The following EYS variants were observed in gnomAD, a reference collection of about 807,000 sequenced individuals.
EYS encodes the protein protein eyes shut homolog.
In EYS, 250 loss-of-function variants were observed where a neutral mutation model predicts 282.1. That is an observed-to-expected ratio of 0.89 (90% CI 0.80 to 0.98). EYS has a LOEUF of 0.98. Among genes scored for constraint, EYS ranks in the 50% least tolerant of loss-of-function variants. The pLI is 0.00. For missense variants in EYS, 4,016 were observed against 3,709.0 expected, an observed-to-expected ratio of 1.08 and a Z score of -2.15; for synonymous variants, 1,355 against 1,282.9, an observed-to-expected ratio of 1.06 and a Z score of -1.20.
At chr6:64,696,068 C>A (rs749350833) in intron 22 of EYS, among the ~76,000 whole-genome samples, 32 of 151,824 alleles carry the variant, frequency 2.1e-4, no homozygotes, top group Middle Eastern at 6.8e-3. Flanking sequence ...AAAAGATATT[C>A]AAAAAGATAC....
chr6:64,076,863 T>G (rs536791052), intron 32 of EYS, among the ~76,000 whole-genome samples: 1 of 152,136 alleles, frequency 6.6e-6, no homozygotes, highest in East Asian at 1.9e-4. Context: ...TCTTAATTTA[T>G]ACTTCTAATT....
Position 63,720,448 on chromosome 6 carries a change from T to A in EYS, c.*148A>T. The A allele has an allele frequency of 1.7e-6, 1 of 597,358 alleles. No homozygotes were observed. The allele number at this position is 597,358 out of a possible 1,614,324, so 37.0% of individuals were successfully genotyped here. ...ACAATCAGAACCTTCAGTGACATTTTACAATCTTATCAAAAAGATATGTTA... is the reference window on the plus strand; with the variant it reads ...ACAATCAGAACCTTCAGTGACATTTAACAATCTTATCAAAAAGATATGTTA... On this transcript the variant is annotated 3_prime_UTR_variant, in exon 43 of 43. Transcript: ENST00000503581.
intron 26 of EYS, among the ~76,000 whole-genome samples, chr6:64,527,419 A>C (rs1260305014): frequency 6.6e-6 from 1 of 151,826 alleles, no homozygotes; most frequent in Non-Finnish European, 1.5e-5. Context: ...TTTGCAAATA[A>C]AAATATATGG....
intron 11 of EYS, among the ~76,000 whole-genome samples, chr6:65,315,961 ATAG>A (rs1363985276): frequency 1.3e-5 from 2 of 151,842 alleles, no homozygotes; most frequent in Non-Finnish European, 2.9e-5. Flanking sequence ...TCCTTGGTAA[ATAG>A]TAGTAGTATC....
intron 10 of EYS, among the ~76,000 whole-genome samples, chr6:65,339,304 C>T (rs764991734): frequency 3.3e-5 from 5 of 150,976 alleles, no homozygotes; most frequent in Admixed American, 1.3e-4. Context: ...ATTTTAATTG[C>T]GAACTTGAAC....
chr6:63,736,567 C>A (rs1009155119), intron 41 of EYS, among the ~76,000 whole-genome samples: 1 of 152,022 alleles, frequency 6.6e-6, no homozygotes, highest in Admixed American at 6.6e-5. Flanking sequence ...CTTGGCGATG[C>A]GGGCTCTTTT....
intron 36 of EYS, among the ~76,000 whole-genome samples, chr6:63,831,621 G>A (rs1771640797): frequency 6.6e-6 from 1 of 152,170 alleles, no homozygotes; most frequent in Admixed American, 6.5e-5. Context: ...AATAATGGGA[G>A]ATTTTAACAC....
At chr6:65,214,158 CAAAAAAAAAA>C (rs58213904) in intron 12 of EYS, among the ~76,000 whole-genome samples, 1 of 29,242 alleles carries the variant, frequency 3.4e-5, no homozygotes, top group African/African-American at 1.5e-4. Flanking sequence ...GACTCCGTCT[CAAAAAAAAAA>C]AAAAAAAAAA....
chr6:64,453,731 A>G (rs1465398052), intron 26 of EYS, among the ~76,000 whole-genome samples: 1 of 152,184 alleles, frequency 6.6e-6, no homozygotes, highest in Admixed American at 6.5e-5. Context: ...GCTGGAAACC[A>G]TCATTCTCAG....
chr6:65,627,843 T>C (rs9453350), intron 2 of EYS, among the ~76,000 whole-genome samples: 31,646 of 152,156 alleles, frequency 0.21, 3,353 homozygotes, highest in East Asian at 0.32. Flanking sequence ...CATGGGCTCC[T>C]GTGCGCCCGA....
At chr6:63,962,651 A>G (rs1766123687) in intron 35 of EYS, among the ~76,000 whole-genome samples, 1 of 152,216 alleles carries the variant, frequency 6.6e-6, no homozygotes, top group African/African-American at 2.4e-5. Context: ...ACACTTGTAC[A>G]CTGTTGGTGG....
At chr6:64,230,415 G>T (rs945957305) in intron 31 of EYS, among the ~76,000 whole-genome samples, 177 bp downstream of exon 31, 1 of 152,100 alleles carries the variant, frequency 6.6e-6, no homozygotes, top group Admixed American at 6.6e-5. Flanking sequence ...TCTTAGGTTT[G>T]CTTCTACAAT....
Position 64,083,331 on chromosome 6 carries a change from A to G in EYS, c.6425-1329T>C, listed in dbSNP as rs529667816. 6.8e-4 allele frequency among the ~76,000 whole-genome samples: 104 copies of G among 152,342 alleles called. 1 individual carries two copies. Among genetic ancestry groups the G allele is most frequent in the African/African-American group, 2.5e-3 (102 of 41,586 alleles). ...TACAGTGAGTGAGAAACTAATATCCAGTCTAAGAAATTTAGTAACAGTTAA... is the reference window on the plus strand; with the variant it reads ...TACAGTGAGTGAGAAACTAATATCCGGTCTAAGAAATTTAGTAACAGTTAA... On this transcript the variant is annotated intron_variant, in intron 31 of 42. Coordinates refer to ENST00000503581, the MANE Select transcript of EYS (RefSeq NM_001142800.2).
At chr6:65,660,640 C>T (rs1767973488) in intron 1 of EYS, among the ~76,000 whole-genome samples, 2 of 151,770 alleles carry the variant, frequency 1.3e-5, no homozygotes, top group Admixed American at 6.6e-5. Flanking sequence ...CAAACACACT[C>T]ACACGCAATT....
intron 32 of EYS, among the ~76,000 whole-genome samples, chr6:64,080,504 G>A (rs1043616509): frequency 1.3e-5 from 2 of 152,052 alleles, no homozygotes; most frequent in African/African-American, 4.8e-5. Flanking sequence ...CATTCTGTAG[G>A]TTGCCTGTTC....
chr6:63,816,334 A>G (rs1306279692), intron 36 of EYS, among the ~76,000 whole-genome samples: 9 of 152,202 alleles, frequency 5.9e-5, no homozygotes, highest in Non-Finnish European at 1.0e-4. Flanking sequence ...ATTAAGAACA[A>G]CAATCAGAAA....
At chr6:63,827,798 T>C (rs973764399) in intron 36 of EYS, among the ~76,000 whole-genome samples, 4 of 145,672 alleles carry the variant, frequency 2.7e-5, no homozygotes, top group Non-Finnish European at 5.9e-5. Context: ...GAGCTGAGAT[T>C]GCGCCACTGC....
intron 12 of EYS, among the ~76,000 whole-genome samples, chr6:65,132,837 A>G (rs531278991): frequency 2.0e-5 from 3 of 151,926 alleles, no homozygotes; most frequent in Non-Finnish European, 2.9e-5. Flanking sequence ...CAAAAGTTCC[A>G]TCAGCTAATA....
At chr6:64,393,731 A>T (rs534963399) in intron 28 of EYS, among the ~76,000 whole-genome samples, 27 of 151,622 alleles carry the variant, frequency 1.8e-4, no homozygotes, top group Admixed American at 1.2e-3. Flanking sequence ...CAAGACAGGG[A>T]TGCCCTCTCT....
Sources: gnomAD v4.1 joint callset for allele counts (sites outside exome capture counted in the v4.1 genomes callset) on GRCh38, gnomAD v4.1.1 for gene constraint, MANE v1.5 for transcripts, NCBI Gene and HGNC (gene_info 2026-07-23, HGNC 2026-07-21) for gene names.